The following HLCS variants were observed in gnomAD, a reference collection of about 807,000 sequenced individuals.
HLCS encodes holocarboxylase synthetase.
A neutral mutation model predicts 75.0 loss-of-function variants in HLCS; 53 were observed. That is an observed-to-expected ratio of 0.71 (90% CI 0.57 to 0.89). HLCS has a LOEUF of 0.89. Ranked by LOEUF, HLCS falls within the 40% of genes least tolerant of loss-of-function variation. The probability of loss-of-function intolerance (pLI) is 0.00; values close to 1 mark genes in which losing one functional copy is unlikely to be tolerated. For missense variants in HLCS, 966 were observed against 1,074.0 expected, an observed-to-expected ratio of 0.90 and a Z score of 1.41; for synonymous variants, 431 against 428.6, an observed-to-expected ratio of 1.01 and a Z score of -0.07.
In HLCS at chr21:36,769,510, A is replaced by AG. The variant is rs1037140400; in HGVS notation, c.1893-2226dup. On this transcript the variant is annotated intron_variant, in intron 6 of 10. Coordinates refer to ENST00000674895, the MANE Select transcript of HLCS (RefSeq NM_001352514.2). The stretch of plus-strand genomic sequence containing the variant: ...AAAAGAAAAAGGAAAAACAAAAAGG[A>AG]GGGGGGTTCCATAATGATTACCTCC... 5.3e-5 allele frequency among the ~76,000 whole-genome samples: 8 copies of AG among 152,276 alleles called. 1 individual carries two copies. The highest frequency in any genetic ancestry group is 3.3e-4 in the Admixed American group (5 of 15,300).
intron 10 of HLCS, among the ~76,000 whole-genome samples, chr21:36,755,409 A>G (rs1163438580): frequency 1.3e-5 from 2 of 151,572 alleles, no homozygotes; most frequent in African/African-American, 2.4e-5. Flanking sequence ...AAAAAAAAAA[A>G]GTGAAAATAA....
At chr21:36,945,209 GT>G (rs947516950) in intron 2 of HLCS, among the ~76,000 whole-genome samples, 2 of 150,132 alleles carry the variant, frequency 1.3e-5, no homozygotes, top group Admixed American at 6.7e-5. Context: ...GTGACTACAG[GT>G]TTTTTTTTGG....
In HLCS at chr21:36,896,951, C is replaced by A; in HGVS notation, c.1801G>T (p.Glu601Ter). Residue 601 changes from glutamate to a stop codon, truncating the protein, a stop_gained, in exon 6 of 11, where the codon GAG becomes TAG. Transcript: ENST00000674895. LOFTEE classifies it high-confidence loss of function. ...EAFSSEHFNL[E>*]IYRQNLQTKQ... ...GTCTGCAGATTTTGGCGATAGATCT[C>A]TAAGTTGAAATGTTCTGATGAGAAG... The A allele has an allele frequency of 1.2e-6, 2 of 1,614,166 alleles. No individual in the cohort carries two copies. Among genetic ancestry groups the A allele is most frequent in the Non-Finnish European group, 1.7e-6 (2 of 1,180,022 alleles).
intron 2 of HLCS, chr21:36,947,255 G>A (rs542924361): frequency 1.5e-6 from 1 of 672,924 alleles, no homozygotes; most frequent in African/African-American, 1.9e-5. Context: ...CAAAGGAAGA[G>A]GAAGGACCGG....
chr21:36,756,257 T>A (rs540702554), intron 10 of HLCS, among the ~76,000 whole-genome samples: 3 of 150,932 alleles, frequency 2.0e-5, no homozygotes, highest in Admixed American at 1.3e-4. Context: ...GCTAACACGG[T>A]GAAACCCCAC....
chr21:36,776,767 G>A (rs752602684), intron 6 of HLCS, among the ~76,000 whole-genome samples: 2 of 152,238 alleles, frequency 1.3e-5, no homozygotes, highest in African/African-American at 4.8e-5. Context: ...TAAAAGGTCA[G>A]AGAGTAAATA....
intron 6 of HLCS, among the ~76,000 whole-genome samples, chr21:36,866,130 A>G (rs1384271108): frequency 0.012 from 2 of 166 alleles, no homozygotes; most frequent in Admixed American, 0.1. Context: ...TATACATTTT[A>G]TACCTTTCAA....
intron 5 of HLCS, among the ~76,000 whole-genome samples, chr21:36,904,884 G>T (rs2065384880): frequency 6.6e-6 from 1 of 152,106 alleles, no homozygotes; most frequent in African/African-American, 2.4e-5. Context: ...AAATGTTACT[G>T]AAGAAAAAAG....
chr21:36,748,661 A>C lies in HLCS; in HGVS notation c.*5585T>G, dbSNP rs1403271116. On this transcript the variant is annotated 3_prime_UTR_variant, in exon 11 of 11. Transcript: ENST00000674895. ...TTTGTTTTTATTTAACCCTTTCTTC[A>C]ATACAAAAAGCCAACAAACCAAGAC... 1 of 152,436 alleles carries C rather than the reference A, an allele frequency of 6.6e-6. No individual in the cohort carries two copies. The highest frequency in any genetic ancestry group is 2.4e-5 in the African/African-American group (1 of 41,420). The allele number at this position is 152,436 out of a possible 1,614,324, so 9.4% of individuals were successfully genotyped here.
intron 6 of HLCS, among the ~76,000 whole-genome samples, chr21:36,894,846 G>GTTT (rs11418922): frequency 6.8e-6 from 1 of 147,366 alleles, no homozygotes; most frequent in African/African-American, 2.5e-5. Flanking sequence ...TAAGGCAGAG[G>GTTT]TTTTTTTTTT....
At chr21:36,814,612 C>A (rs1201591860) in intron 6 of HLCS, among the ~76,000 whole-genome samples, 1 of 152,080 alleles carries the variant, frequency 6.6e-6, no homozygotes, top group South Asian at 2.1e-4. Flanking sequence ...AAAGGCAGCT[C>A]TAAGAAGGGG....
At chr21:36,907,643 C>A (rs2065516462) in intron 5 of HLCS, among the ~76,000 whole-genome samples, 1 of 151,620 alleles carries the variant, frequency 6.6e-6, no homozygotes, top group Non-Finnish European at 1.5e-5. Context: ...CAGAGCGAGA[C>A]TCCATCTCAA....
chr21:36,886,326 GGGA>G (rs1397068181), intron 6 of HLCS, among the ~76,000 whole-genome samples: 1 of 151,432 alleles, frequency 6.6e-6, no homozygotes, highest in Non-Finnish European at 1.5e-5. Context: ...TCAGCTACTT[GGGA>G]GGCTGAGGCA....
intron 6 of HLCS, among the ~76,000 whole-genome samples, chr21:36,878,339 T>A (rs9305607): frequency 1 from 152,318 of 152,318 alleles, 76,159 homozygotes; most frequent in Non-Finnish European, 1. Context: ...AATTACATTC[T>A]CTGTGGGTAA....
chr21:36,877,655 A>C (rs1306308047), intron 6 of HLCS, among the ~76,000 whole-genome samples: 1 of 152,040 alleles, frequency 6.6e-6, no homozygotes, highest in South Asian at 2.1e-4. Context: ...GAGTATTTTA[A>C]ATTTACCCAG....
chr21:36,749,867 C>T lies in HLCS; in HGVS notation c.*4379G>A, dbSNP rs2089314793. The T allele has an allele frequency of 6.6e-6, 1 of 152,070 alleles. No individual in the cohort carries two copies. Among genetic ancestry groups the T allele is most frequent in the Non-Finnish European group, 1.5e-5 (1 of 68,016 alleles). 9.4% of individuals were successfully genotyped at this position (152,070 alleles called of 1,614,324 possible). ...ATAAATCAAGGCTATCGGAGCAGTT[C>T]AATAACAAAGGTTACTGTTGAGAAA... On this transcript the variant is annotated 3_prime_UTR_variant, in exon 11 of 11. Coordinates refer to ENST00000674895, the MANE Select transcript of HLCS (RefSeq NM_001352514.2).
chr21:36,796,187 T>A (rs556973732), intron 6 of HLCS, among the ~76,000 whole-genome samples: 1 of 152,204 alleles, frequency 6.6e-6, no homozygotes, highest in South Asian at 2.1e-4. Context: ...AACACACAGA[T>A]GTGAAAATCA....
At chr21:36,983,990 C>A (rs1344275057) in intron 1 of HLCS, among the ~76,000 whole-genome samples, 1 of 151,948 alleles carries the variant, frequency 6.6e-6, no homozygotes, top group Non-Finnish European at 1.5e-5. Flanking sequence ...CACAAACCAC[C>A]ATTGCCTGCT....
chr21:36,970,783 G>A (rs894841146), upstream of HLCS, among the ~76,000 whole-genome samples: 2 of 152,064 alleles, frequency 1.3e-5, no homozygotes, highest in Non-Finnish European at 2.9e-5. Flanking sequence ...ACGAGGTCAG[G>A]AGATCGAGAC....
Sources: allele counts gnomAD v4.1 joint callset (sites outside exome capture counted in the v4.1 genomes callset), GRCh38; gene constraint gnomAD v4.1.1; transcripts MANE v1.5; gene names NCBI Gene and HGNC (gene_info 2026-07-23, HGNC 2026-07-21).